The following SV2C variants were observed in gnomAD, a reference collection of about 807,000 sequenced individuals.
SV2C encodes the protein solute carrier family 22 member B3.
In SV2C, 49 loss-of-function variants were observed where a neutral mutation model predicts 79.7. The observed-to-expected ratio is 0.61, with a 90% confidence interval of 0.49 to 0.78. The LOEUF is 0.78. Ranked by LOEUF, SV2C falls within the 30% of genes least tolerant of loss-of-function variation. The probability of loss-of-function intolerance (pLI) is 0.00; values close to 1 mark genes in which losing one functional copy is unlikely to be tolerated. For synonymous variants in SV2C, 334 were observed against 333.2 expected (o/e 1.00, Z -0.03); for missense variants, 833 against 912.9 (o/e 0.91, Z 1.13).
At chr5:75,942,630 C>G in the SV2C span, among the ~76,000 whole-genome samples, 1 of 152,122 alleles carries the variant, frequency 6.6e-6, no homozygotes, top group South Asian at 2.1e-4. Flanking sequence ...GAATCTGTGT[C>G]CTAAATGATA....
chr5:76,195,216 G>A, intron 3 of SV2C, 117 bp downstream of exon 3: 5 of 1,069,894 alleles, frequency 4.7e-6, no homozygotes, highest in Non-Finnish European at 5.4e-6. Context: ...ATATCCTCAT[G>A]TCAGCCCTGG....
At chr5:76,337,437 G>A (rs1024417487), downstream of SV2C, among the ~76,000 whole-genome samples, 1 of 152,188 alleles carries the variant, frequency 6.6e-6, no homozygotes, top group Non-Finnish European at 1.5e-5. Flanking sequence ...CTGAGGCACT[G>A]CGGGGTTGGG....
At chr5:76,037,561 G>C in the SV2C span, among the ~76,000 whole-genome samples, 1 of 152,144 alleles carries the variant, frequency 6.6e-6, no homozygotes, top group Admixed American at 6.5e-5. Context: ...GCTGCTCGGG[G>C]GTCAGGGGTC....
the SV2C span, chr5:75,910,323 C>T: frequency 4.1e-5 from 22 of 539,636 alleles, no homozygotes; most frequent in South Asian, 2.4e-4. Context: ...AGTTGCTCCT[C>T]GTAGTCTTCC....
At chr5:76,201,970 C>T (rs1744457252) in intron 3 of SV2C, among the ~76,000 whole-genome samples, 1 of 144,380 alleles carries the variant, frequency 6.9e-6, no homozygotes, top group Admixed American at 7.2e-5. Flanking sequence ...GAGCTGAGCT[C>T]GCGCCACTGC....
intron 2 of SV2C, among the ~76,000 whole-genome samples, chr5:76,162,804 C>T (rs1742933824): frequency 6.6e-6 from 1 of 152,168 alleles, no homozygotes; most frequent in Non-Finnish European, 1.5e-5. Flanking sequence ...TGCTCCTCCA[C>T]CTCTTTTACC....
At position 76,304,121 on chromosome 5, in the gene SV2C, G is replaced by A. The variant is rs1025455583; in HGVS notation, c.2000+2576G>A. ...AAAACACCTCTGTGCACACCAGCAC[G>A]ATAACACAAAGGTCTGCCAGGTGCA... On this transcript the variant is annotated intron_variant, in intron 12 of 12. Transcript: ENST00000502798. Among the ~76,000 whole-genome samples the A allele has an allele frequency of 3.3e-5, 5 of 152,314 alleles. No individual in the cohort carries two copies. In the East Asian group the frequency reaches 5.8e-4, roughly 18 times the overall value.
chr5:75,941,123 T>G, the SV2C span, among the ~76,000 whole-genome samples: 1 of 152,218 alleles, frequency 6.6e-6, no homozygotes, highest in African/African-American at 2.4e-5. Flanking sequence ...CAGGTTGCTT[T>G]GAACCCAGAG....
At chr5:75,950,089 A>G in the SV2C span, among the ~76,000 whole-genome samples, 18,983 of 152,014 alleles carry the variant, frequency 0.12, 3,350 homozygotes, top group African/African-American at 0.4. Context: ...CCAGGGAAGT[A>G]GGTTCAGCTA....
At chr5:76,114,404 TACA>T (rs1189552190) in intron 1 of SV2C, among the ~76,000 whole-genome samples, 3 of 152,160 alleles carry the variant, frequency 2.0e-5, no homozygotes, top group South Asian at 2.1e-4. Context: ...AAAGAGAAAC[TACA>T]ACATTTCTAG....
chr5:76,269,030 G>A (rs1746759035), intron 4 of SV2C, among the ~76,000 whole-genome samples: 1 of 152,206 alleles, frequency 6.6e-6, no homozygotes, highest in Admixed American at 6.5e-5. Flanking sequence ...TTACCTGTGA[G>A]TACCTCACCT....
At chr5:75,929,545 A>G in the SV2C span, among the ~76,000 whole-genome samples, 1 of 152,030 alleles carries the variant, frequency 6.6e-6, no homozygotes, top group Non-Finnish European at 1.5e-5. Context: ...GAGCTCTAAA[A>G]CAGAAAAACT....
At chr5:76,104,980 T>G (rs1747862665) in intron 1 of SV2C, among the ~76,000 whole-genome samples, 1 of 152,190 alleles carries the variant, frequency 6.6e-6, no homozygotes, top group South Asian at 2.1e-4. Flanking sequence ...GGTTGAATAA[T>G]TTCCTCCAAA....
At chr5:76,218,491 A>G (rs568220042) in intron 4 of SV2C, among the ~76,000 whole-genome samples, 1 of 152,332 alleles carries the variant, frequency 6.6e-6, no homozygotes, top group Non-Finnish European at 1.5e-5. Flanking sequence ...CATTCTCAGC[A>G]TACTAACACA....
chr5:75,947,950 C>G, the SV2C span, among the ~76,000 whole-genome samples: 1 of 151,696 alleles, frequency 6.6e-6, no homozygotes, highest in South Asian at 2.1e-4. Flanking sequence ...CATCAGTGAA[C>G]GCTATTAACT....
At chr5:76,267,624 G>T (rs926965331) in intron 4 of SV2C, among the ~76,000 whole-genome samples, 21 of 152,236 alleles carry the variant, frequency 1.4e-4, no homozygotes, top group Admixed American at 3.9e-4. Context: ...GGTGATACAT[G>T]CTGGGAGAGT....
the SV2C span, among the ~76,000 whole-genome samples, chr5:76,005,744 C>A: frequency 6.6e-6 from 1 of 152,180 alleles, no homozygotes; most frequent in Non-Finnish European, 1.5e-5. Flanking sequence ...TGAAACCATG[C>A]AAGGATGAAT....
At chr5:76,223,446 T>C (rs1376600461) in intron 4 of SV2C, among the ~76,000 whole-genome samples, 2 of 9,554 alleles carry the variant, frequency 2.1e-4, no homozygotes, top group African/African-American at 8.3e-4. Context: ...CATACATACA[T>C]ATATATATAT....
intron 6 of SV2C, among the ~76,000 whole-genome samples, chr5:76,289,926 T>C (rs1747496652): frequency 6.6e-6 from 1 of 152,230 alleles, no homozygotes; most frequent in South Asian, 2.1e-4. Context: ...GTACTTTTTT[T>C]CGTTTTGTAT....
Sources: allele counts gnomAD v4.1 joint callset (sites outside exome capture counted in the v4.1 genomes callset), GRCh38; gene constraint gnomAD v4.1.1; transcripts MANE v1.5; gene names NCBI Gene and HGNC (gene_info 2026-07-23, HGNC 2026-07-21).